Variants in TMEM182 observed in about 807,000 individuals in gnomAD.
TMEM182 encodes transmembrane protein 182.
Under a neutral mutation model 26.8 loss-of-function variants are expected in TMEM182, and 20 were observed. That is an observed-to-expected ratio of 0.75 (90% CI 0.53 to 1.09). The LOEUF is 1.09. Ranked by LOEUF, TMEM182 falls within the 50% of genes least tolerant of loss-of-function variation. The pLI is 0.00. For synonymous variants in TMEM182, 109 were observed against 102.2 expected (o/e 1.07, Z -0.40); for missense variants, 277 against 275.5 (o/e 1.01, Z -0.04).
chr2:102,738,098 T>C (rs1679414871), intron 1 of TMEM182, among the ~76,000 whole-genome samples: 1 of 152,216 alleles, frequency 6.6e-6, no homozygotes, highest in Non-Finnish European at 1.5e-5. Flanking sequence ...TTTGCTCTCC[T>C]ATAGCTGAGG....
chr2:102,761,372 A>G (rs1249399357), upstream of TMEM182, among the ~76,000 whole-genome samples: 1 of 152,142 alleles, frequency 6.6e-6, no homozygotes, highest in Non-Finnish European at 1.5e-5. Flanking sequence ...CATTTTTGAG[A>G]CTTTTTTCAT....
At chr2:102,842,254 C>A (rs761345034) in intron 3 of TMEM182, among the ~76,000 whole-genome samples, 1 of 152,194 alleles carries the variant, frequency 6.6e-6, no homozygotes, top group Non-Finnish European at 1.5e-5. Context: ...CTACCTCCCT[C>A]TCTGCATTAT....
chr2:102,762,468 A>G, intron 1 of TMEM182, 119 bp downstream of exon 1: 2 of 1,529,420 alleles, frequency 1.3e-6, no homozygotes, highest in Non-Finnish European at 1.8e-6. Flanking sequence ...AGATATGTAG[A>G]AAGCTACTGA....
intron 3 of TMEM182, among the ~76,000 whole-genome samples, chr2:102,823,678 A>G (rs997099274): frequency 3.3e-5 from 5 of 152,188 alleles, no homozygotes; most frequent in African/African-American, 1.2e-4. Context: ...AGAAAATAGC[A>G]CATAATGCAT....
intron 3 of TMEM182, among the ~76,000 whole-genome samples, chr2:102,828,397 T>G (rs1573577477): frequency 6.6e-6 from 1 of 152,224 alleles, no homozygotes; most frequent in Non-Finnish European, 1.5e-5. Context: ...AAAATATCAC[T>G]TACTTTTTTC....
intron 3 of TMEM182, among the ~76,000 whole-genome samples, chr2:102,786,491 G>A (rs1681402372): frequency 6.6e-6 from 1 of 152,160 alleles, no homozygotes; most frequent in Non-Finnish European, 1.5e-5. Context: ...GGTATTACAG[G>A]TGTGAGCCAC....
At chr2:102,839,692 A>G (rs954167383) in intron 3 of TMEM182, among the ~76,000 whole-genome samples, 4 of 152,130 alleles carry the variant, frequency 2.6e-5, no homozygotes, top group Admixed American at 6.5e-5. Flanking sequence ...ACTCAAATGC[A>G]ATGTAGCTCT....
intron 3 of TMEM182, among the ~76,000 whole-genome samples, chr2:102,838,497 C>G (rs1408607368): frequency 6.6e-6 from 1 of 152,124 alleles, no homozygotes. Context: ...TCAGAGGGCT[C>G]CAGGATGGAA....
chr2:102,761,034 GA>G (rs1389490804), upstream of TMEM182, among the ~76,000 whole-genome samples: 1 of 152,170 alleles, frequency 6.6e-6, no homozygotes, highest in African/African-American at 2.4e-5. Context: ...AAGGCGTGAA[GA>G]AAGCTGGTAG....
At chr2:102,800,162 C>A (rs968071982) in intron 4 of TMEM182, among the ~76,000 whole-genome samples, 1 of 152,188 alleles carries the variant, frequency 6.6e-6, no homozygotes, top group African/African-American at 2.4e-5. Flanking sequence ...AATCAACATA[C>A]AACCTACCAT....
intron 1 of TMEM182, among the ~76,000 whole-genome samples, chr2:102,742,853 A>C (rs566592672): frequency 9.2e-5 from 14 of 152,128 alleles, no homozygotes; most frequent in Non-Finnish European, 1.2e-4. Context: ...GGAAAAATAA[A>C]AATTTTCTCA....
In TMEM182 at chr2:102,780,901, T is replaced by C. The variant is rs1316194658; in HGVS notation, c.331+16474T>C. On this transcript the variant is annotated intron_variant, in intron 3 of 4. Coordinates refer to ENST00000412401, the MANE Select transcript of TMEM182 (RefSeq NM_144632.5). ...TTACCTGGTCCTTTGGATGGGCATT[T>C]TGTTTGTTTTTTAATCTGTGACCAT... Among the ~76,000 whole-genome samples, 3 of 152,200 alleles carry C rather than the reference T, an allele frequency of 2.0e-5. No individual in the cohort carries two copies. In the East Asian group the frequency reaches 5.8e-4, roughly 29 times the overall value.
At chr2:102,842,322 TC>T (rs747147199) in intron 3 of TMEM182, among the ~76,000 whole-genome samples, 30 of 152,328 alleles carry the variant, frequency 2.0e-4, no homozygotes, top group Admixed American at 3.3e-4. Context: ...TGGGATCACC[TC>T]AATTTCTCCT....
chr2:102,744,786 G>A (rs1037912338), intron 1 of TMEM182, among the ~76,000 whole-genome samples: 7 of 151,962 alleles, frequency 4.6e-5, no homozygotes, highest in East Asian at 1.9e-4. Context: ...CCCTTATTCC[G>A]AAAGCAATTT....
At chr2:102,790,613 A>G (rs1573538057) in intron 3 of TMEM182, among the ~76,000 whole-genome samples, 1 of 152,266 alleles carries the variant, frequency 6.6e-6, no homozygotes. Flanking sequence ...AGTCAACTTT[A>G]CTTCACGGCC....
chr2:102,793,091 G>A (rs990383896), intron 3 of TMEM182, among the ~76,000 whole-genome samples: 6 of 152,166 alleles, frequency 3.9e-5, no homozygotes, highest in Non-Finnish European at 5.9e-5. Context: ...GATTCGGGCT[G>A]TCAGTGCCTC....
chr2:102,769,998 C>A (rs1026058751), intron 3 of TMEM182, among the ~76,000 whole-genome samples: 4 of 152,088 alleles, frequency 2.6e-5, no homozygotes, highest in African/African-American at 9.7e-5. Context: ...TCCTGAAAGT[C>A]ATTAATTATA....
upstream of TMEM182, among the ~76,000 whole-genome samples, chr2:102,759,226 AATAAG>A (rs1400385554): frequency 2.6e-5 from 4 of 152,230 alleles, no homozygotes; most frequent in African/African-American, 4.8e-5. Context: ...TTGAAATATA[AATAAG>A]ATAAATAAAA....
At chr2:102,753,845 A>G (rs1679955638) in intron 1 of TMEM182, among the ~76,000 whole-genome samples, 1 of 152,232 alleles carries the variant, frequency 6.6e-6, no homozygotes, top group South Asian at 2.1e-4. Context: ...TGCTAGGTGT[A>G]AGAGATGCAA....
Sources: allele counts gnomAD v4.1 joint callset (sites outside exome capture counted in the v4.1 genomes callset), GRCh38; gene constraint gnomAD v4.1.1; transcripts MANE v1.5; gene names NCBI Gene and HGNC (gene_info 2026-07-23, HGNC 2026-07-21).